Variants in ADK observed in about 807,000 individuals in gnomAD.
ADK encodes adenosine kinase, also known as N6,N6-dimethyladenosine kinase.
A neutral mutation model predicts 44.7 loss-of-function variants in ADK; 24 were observed. The observed-to-expected ratio is 0.54, with a 90% confidence interval of 0.39 to 0.76. The LOEUF (loss-of-function observed/expected upper bound fraction) is 0.76, where lower values mean the gene tolerates loss of function less well. Ranked by LOEUF, ADK falls within the 30% of genes least tolerant of loss-of-function variation. The pLI is 0.00. For missense variants in ADK, 321 were observed against 425.1 expected, an observed-to-expected ratio of 0.76 and a Z score of 2.15; for synonymous variants, 128 against 142.6, an observed-to-expected ratio of 0.90 and a Z score of 0.73.
intron 6 of ADK, among the ~76,000 whole-genome samples, chr10:74,501,073 A>T (rs73272265): frequency 0.025 from 3,747 of 152,296 alleles, 138 homozygotes; most frequent in African/African-American, 0.074. Flanking sequence ...TCCACTTATA[A>T]AGTGATACTT....
intron 3 of ADK, among the ~76,000 whole-genome samples, chr10:74,238,775 A>C (rs1845076037): frequency 6.6e-6 from 1 of 151,338 alleles, no homozygotes; most frequent in African/African-American, 2.4e-5. Flanking sequence ...AACAAACAAA[A>C]TTACTGTCTC....
intron 4 of ADK, among the ~76,000 whole-genome samples, chr10:74,391,128 G>A (rs1048387047): frequency 3.3e-5 from 5 of 152,028 alleles, no homozygotes; most frequent in African/African-American, 9.7e-5. Flanking sequence ...TGATTTATTT[G>A]TTGTTTTTGT....
chr10:74,459,005 C>T (rs1033365708), intron 6 of ADK, among the ~76,000 whole-genome samples: 3 of 152,086 alleles, frequency 2.0e-5, no homozygotes, highest in Non-Finnish European at 4.4e-5. Context: ...TTTGGCCAGG[C>T]ACGGTGACTT....
In ADK at chr10:74,600,384, A is replaced by G; in HGVS notation, c.768A>G (p.Lys256=). The change falls in exon 9 of 11, where the codon AAA becomes AAG. Residue 256 remains lysine, a synonymous_variant. Coordinates refer to ENST00000539909, the MANE Select transcript of ADK (RefSeq NM_006721.4). ...TTCCTTCCTTCTATTAATAGACTAA[A>G]GACATTAAAGAGATAGCCAAAAAGA... is the stretch of plus-strand genomic sequence containing the variant. ...TFAREQGFET[K]DIKEIAKKTQ... The G allele has an allele frequency of 6.2e-7, 1 of 1,606,586 alleles. No homozygotes were observed.
chr10:74,241,112 A>T (rs1204031055), intron 3 of ADK, among the ~76,000 whole-genome samples: 1 of 152,260 alleles, frequency 6.6e-6, no homozygotes, highest in Non-Finnish European at 1.5e-5. Flanking sequence ...GTAAAGCAGA[A>T]TAAAAGAAGC....
chr10:74,537,320 G>A (rs1310343842), intron 7 of ADK, among the ~76,000 whole-genome samples: 1 of 152,162 alleles, frequency 6.6e-6, no homozygotes, highest in Non-Finnish European at 1.5e-5. Context: ...CCTTGTTAAA[G>A]TAGTTCCAAA....
chr10:74,548,323 CAA>C (rs1849910967), intron 7 of ADK, among the ~76,000 whole-genome samples: 3 of 151,744 alleles, frequency 2.0e-5, no homozygotes, highest in Admixed American at 2.0e-4. Flanking sequence ...AGCAACAAAA[CAA>C]AAATCCTACA....
At chr10:74,533,760 G>T (rs1849367261) in intron 7 of ADK, among the ~76,000 whole-genome samples, 1 of 152,088 alleles carries the variant, frequency 6.6e-6, no homozygotes, top group Non-Finnish European at 1.5e-5. Context: ...AAATGACCTA[G>T]CTATCCCACT....
In ADK at chr10:74,685,145, A is replaced by G. The variant is rs542940905; in HGVS notation, c.964+14876A>G. The stretch of plus-strand genomic sequence containing the variant: ...AATCACCCACCTAGAAAATGAACAA[A>G]AAAACTGGAAATTTATTAAAAATAA... On this transcript the variant is annotated intron_variant, in intron 10 of 10. Transcript: ENST00000539909. Among the ~76,000 whole-genome samples the G allele has an allele frequency of 3.0e-3, 463 of 152,344 alleles. 1 individual carries two copies. Among genetic ancestry groups the G allele is most frequent in the Non-Finnish European group, 5.5e-3 (372 of 68,032 alleles).
chr10:74,280,664 T>A (rs1255066290), intron 3 of ADK, among the ~76,000 whole-genome samples: 6 of 152,180 alleles, frequency 3.9e-5, no homozygotes, highest in Non-Finnish European at 8.8e-5. Context: ...AGTGTAAATT[T>A]GGTTTTCTCA....
chr10:74,432,504 T>C (rs1845036168), intron 6 of ADK, among the ~76,000 whole-genome samples: 2 of 152,334 alleles, frequency 1.3e-5, no homozygotes, highest in South Asian at 4.1e-4. Context: ...AGTTTAGGAA[T>C]GTATCATTTA....
intron 6 of ADK, among the ~76,000 whole-genome samples, chr10:74,427,006 T>C (rs1489825172): frequency 2.6e-5 from 4 of 152,098 alleles, no homozygotes; most frequent in African/African-American, 9.7e-5. Flanking sequence ...GTGTTCTCAT[T>C]GATAAAGTTA....
intron 6 of ADK, among the ~76,000 whole-genome samples, chr10:74,504,264 A>G (rs532480978): frequency 3.9e-5 from 6 of 152,228 alleles, no homozygotes; most frequent in East Asian, 3.9e-4. Context: ...TGAAAAATCA[A>G]TGCAGAATGG....
chr10:74,519,308 C>T (rs935400215), intron 6 of ADK, among the ~76,000 whole-genome samples: 2 of 151,920 alleles, frequency 1.3e-5, no homozygotes, highest in Admixed American at 1.3e-4. Flanking sequence ...TCAATTTTTA[C>T]ATTTAAATTA....
At chr10:74,172,222 T>G (rs1237936640) in intron 1 of ADK, among the ~76,000 whole-genome samples, 2 of 151,600 alleles carry the variant, frequency 1.3e-5, no homozygotes, top group Non-Finnish European at 2.9e-5. Flanking sequence ...TGCTGTAGCC[T>G]TGAACTCTTG....
intron 4 of ADK, among the ~76,000 whole-genome samples, chr10:74,369,287 T>C (rs1842587390): frequency 1.3e-5 from 2 of 151,990 alleles, no homozygotes. Flanking sequence ...GACCGGGAGG[T>C]AGAGGCTGCA....
At chr10:74,221,026 C>T (rs11527234) in intron 2 of ADK, among the ~76,000 whole-genome samples, 22,546 of 138,062 alleles carry the variant, frequency 0.16, 2,323 homozygotes, top group African/African-American at 0.32. Flanking sequence ...CCAGGGCAAT[C>T]AGGCAGGAGA....
chr10:74,649,488 G>C (rs1854181103), intron 9 of ADK, among the ~76,000 whole-genome samples: 1 of 151,970 alleles, frequency 6.6e-6, no homozygotes, highest in Non-Finnish European at 1.5e-5. Flanking sequence ...AGCCAGGTAT[G>C]ATGGCAAGCA....
chr10:74,256,191 T>C (rs1339226894), intron 3 of ADK, among the ~76,000 whole-genome samples: 1 of 152,208 alleles, frequency 6.6e-6, no homozygotes, highest in African/African-American at 2.4e-5. Flanking sequence ...TTGGAGCATT[T>C]TGTAAATTTT....
Sources: gnomAD v4.1 joint callset for allele counts (sites outside exome capture counted in the v4.1 genomes callset) on GRCh38, gnomAD v4.1.1 for gene constraint, MANE v1.5 for transcripts, NCBI Gene and HGNC (gene_info 2026-07-23, HGNC 2026-07-21) for gene names.